Variants in WWP1 observed in about 807,000 individuals in gnomAD.
The protein encoded by WWP1 is NEDD4-like E3 ubiquitin-protein ligase WWP1.
A neutral mutation model predicts 130.6 loss-of-function variants in WWP1; 49 were observed. That is an observed-to-expected ratio of 0.38 (90% CI 0.30 to 0.48). The LOEUF is 0.48. Among genes scored for constraint, WWP1 ranks in the 20% least tolerant of loss-of-function variants. The probability of loss-of-function intolerance (pLI) is 0.99; values close to 1 mark genes in which losing one functional copy is unlikely to be tolerated. For synonymous variants in WWP1, 332 were observed against 367.8 expected, an observed-to-expected ratio of 0.90 and a Z score of 1.11; for missense variants, 809 against 1,100.6, an observed-to-expected ratio of 0.74 and a Z score of 3.75.
intron 1 of WWP1, among the ~76,000 whole-genome samples, chr8:86,363,488 G>A (rs539976696): frequency 6.6e-6 from 1 of 151,926 alleles, no homozygotes; most frequent in Non-Finnish European, 1.5e-5. Flanking sequence ...TTTAACAAAG[G>A]CTACTGAAAG....
At chr8:86,430,074 C>T (rs1809852770) in intron 11 of WWP1, among the ~76,000 whole-genome samples, 1 of 151,974 alleles carries the variant, frequency 6.6e-6, no homozygotes, top group Non-Finnish European at 1.5e-5. Flanking sequence ...TGGCGCATAT[C>T]TGTAGTCCTA....
chr8:86,417,788 A>AG (rs1808972152), intron 9 of WWP1, among the ~76,000 whole-genome samples: 1 of 152,216 alleles, frequency 6.6e-6, no homozygotes, highest in African/African-American at 2.4e-5. Context: ...AATAGTTCTT[A>AG]AGCTCACCAC....
rs748709823 is a variant in WWP1, at chr8:86,425,282, C to T, written c.1121C>T (p.Thr374Ile). 6.2e-7 allele frequency: 1 copy of T among 1,613,394 alleles called. No individual in the cohort carries two copies. Among genetic ancestry groups the T allele is most frequent in the South Asian group, 1.1e-5 (1 of 90,974 alleles). Residue 374 changes from threonine (T) to isoleucine (I), a missense_variant, in exon 10 of 25, where the codon ACT becomes ATT. Thr to Ile is a moderately conservative substitution (Grantham distance 89). Transcript: ENST00000517970. ...TATTATGTGGATCATAATACTCGAA[C>T]TACCACATGGGAGAGACCACAACCT... ...RTYYVDHNTR[T>I]TTWERPQPLP...
Position 86,427,632 on chromosome 8 carries a change from A to G in WWP1, c.1158-11A>G. 1 of 1,587,662 alleles carries G rather than the reference A, an allele frequency of 6.3e-7. No homozygotes were observed. The highest frequency in any genetic ancestry group is 1.2e-5 in the South Asian group (1 of 86,514). On this transcript the variant is annotated splice_polypyrimidine_tract_variant and intron_variant, in intron 10 of 24. Coordinates refer to ENST00000517970, the MANE Select transcript of WWP1 (RefSeq NM_007013.4). The stretch of plus-strand genomic sequence containing the variant: ...GAGAGATTATTGTTTATTATTGTTT[A>G]CTTGTGGTAGTTGGGAAAGAAGAGT...
chr8:86,398,606 A>G lies in WWP1; in HGVS notation c.507A>G (p.Glu169=). 1.2e-6 allele frequency: 2 copies of G among 1,612,684 alleles called. No homozygotes were observed. Among genetic ancestry groups the G allele is most frequent in the Middle Eastern group, 1.9e-4 (1 of 5,174 alleles). ...AGGAAAATGGTGATGCCTTACATGA[A>G]AATGGAGAGCCTTCAGCAAGGACAA... The part of the protein sequence containing the change: ...EIQENGDALH[E]NGEPSARTTA... Residue 169 remains glutamate (E), a synonymous_variant, in exon 7 of 25, where the codon GAA becomes GAG. Transcript: ENST00000517970.
intron 24 of WWP1, among the ~76,000 whole-genome samples, chr8:86,465,459 C>T (rs1033106401): frequency 1.3e-5 from 2 of 150,486 alleles, no homozygotes; most frequent in Admixed American, 6.6e-5. Context: ...TTCGTCTCTA[C>T]AAAAAAAAAT....
In WWP1 at chr8:86,431,756, C is replaced by T. The variant is rs778473795; in HGVS notation, c.1601+13C>T. ...GGAAGTCATCTGTGTGAGTGAAAACCTGAAGTTCTCCTTTAAATATTGCTT... is the reference window on the plus strand; with the variant it reads ...GGAAGTCATCTGTGTGAGTGAAAACTTGAAGTTCTCCTTTAAATATTGCTT... On this transcript the variant is annotated intron_variant, in intron 14 of 24. Coordinates refer to ENST00000517970, the MANE Select transcript of WWP1 (RefSeq NM_007013.4). 1.2e-6 allele frequency: 2 copies of T among 1,612,890 alleles called. No homozygotes were observed. Among genetic ancestry groups the T allele is most frequent in the East Asian group, 2.2e-5 (1 of 44,828 alleles).
intron 1 of WWP1, among the ~76,000 whole-genome samples, chr8:86,362,126 A>C (rs1823677534): frequency 7.1e-6 from 1 of 140,688 alleles, no homozygotes; most frequent in African/African-American, 2.6e-5. Context: ...TACACTAGGC[A>C]TATGTATATA....
At position 86,467,795 on chromosome 8, in the gene WWP1, A is replaced by G. The variant is rs1485447663; in HGVS notation, c.*902A>G. On this transcript the variant is annotated 3_prime_UTR_variant, in exon 25 of 25. Transcript: ENST00000517970. The stretch of plus-strand genomic sequence containing the variant: ...AACTCTGCCACTTTTTTGTGTTCAA[A>G]ATTTTGGTTTTTATGAAGCCAGATG... 6.6e-6 allele frequency: 1 copy of G among 152,190 alleles called. No individual in the cohort carries two copies. The highest frequency in any genetic ancestry group is 1.5e-5 in the Non-Finnish European group (1 of 68,020). The allele number at this position is 152,190 out of a possible 1,614,324, so 9.4% of individuals were successfully genotyped here. A position where few individuals can be genotyped will look rare whatever the true frequency, so the allele number is the denominator to read the frequency against.
intron 1 of WWP1, among the ~76,000 whole-genome samples, chr8:86,363,170 G>A (rs1238561261): frequency 2.6e-5 from 4 of 152,080 alleles, no homozygotes; most frequent in Admixed American, 2.6e-4. Flanking sequence ...CTGGGTAGTG[G>A]CAGAACACTG....
chr8:86,454,919 A>C (rs1811358680), intron 21 of WWP1, among the ~76,000 whole-genome samples: 2 of 152,098 alleles, frequency 1.3e-5, no homozygotes, highest in South Asian at 4.1e-4. Flanking sequence ...TTAAGAGTGC[A>C]GAGCTGTGTG....
At chr8:86,353,716 C>A (rs1232558100) in intron 1 of WWP1, among the ~76,000 whole-genome samples, 1 of 152,178 alleles carries the variant, frequency 6.6e-6, no homozygotes, top group Non-Finnish European at 1.5e-5. Flanking sequence ...CTCCTGACCT[C>A]AAGTGATCCG....
At chr8:86,445,980 T>TCTTTC (rs60931992) in intron 18 of WWP1, among the ~76,000 whole-genome samples, 3 of 60,004 alleles carry the variant, frequency 5.0e-5, no homozygotes, top group African/African-American at 1.6e-4. Context: ...TCTTTTCTTT[T>TCTTTC]TTTTTTTTTT....
rs572387936 is a variant in WWP1 at position 86,466,640 on chromosome 8, CTTAAAT to C, written c.2670-150_2670-145del. 2.9e-4 allele frequency among the ~76,000 whole-genome samples: 44 copies of C among 150,270 alleles called. 1 individual carries two copies. In the South Asian group the frequency reaches 9.0e-3, roughly 31 times the overall value. ...GTTAAAATAGTTTTTATATGTAAGT[CTTAAAT>C]TTAGATTACTCTAAATACTTCTGGC... On this transcript the variant is annotated intron_variant, in intron 24 of 24. Transcript: ENST00000517970.
At chr8:86,372,185 G>C (rs1344162433) in intron 2 of WWP1, among the ~76,000 whole-genome samples, 1 of 151,354 alleles carries the variant, frequency 6.6e-6, no homozygotes. Context: ...CACCATGCCC[G>C]GCTAATTTTT....
rs1180743497 is a variant in WWP1 at position 86,425,123 on chromosome 8, G to A, written c.1062-100G>A. 3 of 810,814 alleles carry A rather than the reference G, an allele frequency of 3.7e-6. No individual in the cohort carries two copies. The African/African-American group carries it at 5.2e-5, about 14-fold the overall frequency. 50.2% of individuals were successfully genotyped at this position (810,814 alleles called of 1,614,324 possible). On this transcript the variant is annotated intron_variant, in intron 9 of 24. Coordinates refer to ENST00000517970, the MANE Select transcript of WWP1 (RefSeq NM_007013.4). ...CTGTGTGTGTGTATAGTCTTTTAAT[G>A]TAAAGCTTATCTGTAATTTTTCTGA...
intron 5 of WWP1, among the ~76,000 whole-genome samples, chr8:86,391,816 C>G (rs1807354585): frequency 6.6e-6 from 1 of 151,964 alleles, no homozygotes; most frequent in Non-Finnish European, 1.5e-5. Context: ...AGGATTCTGT[C>G]CTCCCACAGA....
Position 86,452,584 on chromosome 8 carries a change from C to G in WWP1, c.2299C>G (p.Arg767Gly). 6.2e-7 allele frequency: 1 copy of G among 1,606,358 alleles called. No homozygotes were observed. Among genetic ancestry groups the G allele is most frequent in the Non-Finnish European group, 8.5e-7 (1 of 1,177,128 alleles). ...TTTAATGACAGAATGGCGTTTTTCT[C>G]GAGGAGTACAAGAACAGACCAAAGC... ...IGLMTEWRFS[R>G]GVQEQTKAFL... Residue 767 changes from arginine (R) to glycine (G), a missense_variant, in exon 21 of 25, where the codon CGA becomes GGA. By Grantham distance (125) the Arg-to-Gly change is moderately radical (BLOSUM62 -2). Transcript: ENST00000517970.
At chr8:86,409,368 G>A (rs967054525) in intron 8 of WWP1, among the ~76,000 whole-genome samples, 1 of 148,806 alleles carries the variant, frequency 6.7e-6, no homozygotes, top group Non-Finnish European at 1.5e-5. Flanking sequence ...TGAGTAGCTG[G>A]GATTACAGGC....
Sources: allele counts gnomAD v4.1 joint callset (sites outside exome capture counted in the v4.1 genomes callset), GRCh38; gene constraint gnomAD v4.1.1; transcripts MANE v1.5; gene names NCBI Gene and HGNC (gene_info 2026-07-23, HGNC 2026-07-21).